ACSS1: variants seen among roughly 807,000 people sequenced by gnomAD.
ACSS1 encodes the protein acyl-CoA synthetase short chain family member 1.
In ACSS1, 42 loss-of-function variants were observed where a neutral mutation model predicts 75.3. The observed-to-expected ratio is 0.56, with a 90% CI of 0.44 to 0.72. The LOEUF is 0.72. Ranked by LOEUF, ACSS1 falls within the 30% of genes least tolerant of loss-of-function variation. The pLI is 0.00. For missense variants in ACSS1, 782 were observed against 935.7 expected (o/e 0.84, Z 2.14); for synonymous variants, 380 against 376.8 (o/e 1.01, Z -0.10).
chr20:25,026,560 C>T (rs1361671692), intron 3 of ACSS1, among the ~76,000 whole-genome samples: 2 of 152,208 alleles, frequency 1.3e-5, no homozygotes, highest in African/African-American at 2.4e-5. Flanking sequence ...TGACTAATGT[C>T]CCAGATGTCA....
intron 2 of ACSS1, among the ~76,000 whole-genome samples, chr20:25,040,646 C>T (rs899244355): frequency 6.6e-6 from 1 of 152,198 alleles, no homozygotes. Flanking sequence ...ATATTTCCAC[C>T]GCTGATTCTC....
chr20:25,013,324 C>G (rs1421953780), intron 10 of ACSS1, among the ~76,000 whole-genome samples: 6 of 152,156 alleles, frequency 3.9e-5, no homozygotes, highest in Non-Finnish European at 8.8e-5. Context: ...AAGAAAGTCC[C>G]CGAGTGGGGA....
chr20:25,036,965 AG>A (rs1418096871), intron 2 of ACSS1, among the ~76,000 whole-genome samples: 8 of 123,722 alleles, frequency 6.5e-5, no homozygotes, highest in African/African-American at 2.1e-4. Flanking sequence ...AAAAAAAAAA[AG>A]AAGAAGAAGA....
At position 25,016,251 on chromosome 20, in the gene ACSS1, G is replaced by T. The variant is rs193189308; in HGVS notation, c.1247-1021C>A. Among the ~76,000 whole-genome samples the T allele has an allele frequency of 4.9e-4, 74 of 152,286 alleles. No individual in the cohort carries two copies. In the Middle Eastern group the frequency reaches 0.017, roughly 35 times the overall value. On this transcript the variant is annotated intron_variant, in intron 7 of 13. Coordinates refer to ENST00000323482, the MANE Select transcript of ACSS1 (RefSeq NM_032501.4). ...CCGTGGTGATGCAGGCCACACTGTG[G>T]TCATGGTTCGGGTAACTCTCGTAAC... is the stretch of plus-strand genomic sequence containing the variant.
intron 1 of ACSS1, among the ~76,000 whole-genome samples, chr20:25,057,284 G>C (rs1004089243): frequency 3.9e-5 from 6 of 152,230 alleles, no homozygotes; most frequent in Non-Finnish European, 7.3e-5. Context: ...GTTTACGTGG[G>C]CAGGGCTTGT....
rs767019781 is a variant in ACSS1, at chr20:25,013,533, C to T, written c.1579+3G>A. 1.9e-6 allele frequency: 3 copies of T among 1,588,892 alleles called. No homozygotes were observed. Among genetic ancestry groups the T allele is most frequent in the African/African-American group, 2.7e-5 (2 of 74,396 alleles). ...ATGAGAGGGTCCCTGACAGCCTGCTCACCTGGGTAGGCCTTGAAGTAGGCG... is the reference window on the plus strand; with the variant it reads ...ATGAGAGGGTCCCTGACAGCCTGCTTACCTGGGTAGGCCTTGAAGTAGGCG... On this transcript the variant is annotated splice_donor_region_variant and intron_variant, in intron 10 of 13. Transcript: ENST00000323482.
chr20:25,017,218 C>T (rs955454651), intron 7 of ACSS1, among the ~76,000 whole-genome samples: 2 of 152,172 alleles, frequency 1.3e-5, no homozygotes, highest in Admixed American at 6.5e-5. Flanking sequence ...AGAGTGTATC[C>T]ATGTATTACT....
At chr20:25,045,801 A>G (rs1460339079) in intron 2 of ACSS1, 4 of 152,282 alleles carry the variant, frequency 2.6e-5, no homozygotes, top group Non-Finnish European at 5.9e-5. Flanking sequence ...AGGAACTCAC[A>G]TCCCTCAAAT....
chr20:25,006,667 G>A lies in ACSS1; in HGVS notation c.*1095C>T. ...CCAACCGCCAGCCCCTGCATGCCTA[G>A]CAGGGAGGTAAGCACCCACTGGCGT... On this transcript the variant is annotated 3_prime_UTR_variant, in exon 14 of 14. Transcript: ENST00000323482. The A allele has an allele frequency of 3.8e-6, 3 of 799,822 alleles. No individual in the cohort carries two copies. In the South Asian group the frequency reaches 5.9e-5, roughly 16 times the overall value. The allele number at this position is 799,822 out of a possible 1,614,324, so 49.5% of individuals were successfully genotyped here.
In ACSS1 at chr20:25,058,007, G is replaced by C; in HGVS notation, c.96C>G (p.Ser32Arg). 1 of 1,462,796 alleles carries C rather than the reference G, an allele frequency of 6.8e-7. No individual in the cohort carries two copies. The highest frequency in any genetic ancestry group is 1.5e-5 in the African/African-American group (1 of 67,872). The allele number at this position is 1,462,796 out of a possible 1,614,324, so 90.6% of individuals were successfully genotyped here. ...GTCCCGAGGCCGCCCTGCGCGGCGC[G>C]CTCACCCCGCACGGCGGCCGCGCGG... The part of the protein sequence containing the change: ...GQPARPPCGV[S>R]APRRAASGPS... The change falls in exon 1 of 14, where the codon AGC becomes AGG. Residue 32 changes from serine to arginine, a missense_variant. By Grantham distance (110) the Ser-to-Arg change is moderately radical. Transcript: ENST00000323482.
At chr20:25,027,171 C>G (rs564354088) in intron 3 of ACSS1, among the ~76,000 whole-genome samples, 1 of 152,312 alleles carries the variant, frequency 6.6e-6, no homozygotes, top group South Asian at 2.1e-4. Context: ...TCTTCCCTTT[C>G]TAAAGACCAG....
rs539047755 is a variant in ACSS1, at chr20:25,032,978, T to C, written c.432-2020A>G. On this transcript the variant is annotated intron_variant, in intron 2 of 13. Coordinates refer to ENST00000323482, the MANE Select transcript of ACSS1 (RefSeq NM_032501.4). Reference sequence around the variant, plus strand: ...GAAGGAGGACAAAGGCGCCTTTCAGTGGCGCCCCACCCACGCACCCCTTGC... The same window carrying C: ...GAAGGAGGACAAAGGCGCCTTTCAGCGGCGCCCCACCCACGCACCCCTTGC... 1.2e-4 allele frequency among the ~76,000 whole-genome samples: 19 copies of C among 152,318 alleles called. 1 individual carries two copies. The highest frequency in any genetic ancestry group is 4.1e-4 in the South Asian group (2 of 4,820).
At chr20:25,057,320 A>C (rs2122783874) in intron 1 of ACSS1, among the ~76,000 whole-genome samples, 1 of 152,312 alleles carries the variant, frequency 6.6e-6, no homozygotes, top group East Asian at 1.9e-4. Context: ...CGGGCACCGC[A>C]GCCCGCAGTG....
intron 2 of ACSS1, chr20:25,046,404 A>G: frequency 4.8e-6 from 1 of 207,682 alleles, no homozygotes. Flanking sequence ...CCCCGCTCAC[A>G]GACCGAACCG....
intron 2 of ACSS1, among the ~76,000 whole-genome samples, chr20:25,037,821 A>G (rs1185698736): frequency 6.6e-6 from 1 of 151,748 alleles, no homozygotes; most frequent in Non-Finnish European, 1.5e-5. Flanking sequence ...TGGGGAACAG[A>G]CTCCTTCCCT....
At chr20:25,044,889 T>C (rs980041481) in intron 2 of ACSS1, among the ~76,000 whole-genome samples, 4 of 152,238 alleles carry the variant, frequency 2.6e-5, no homozygotes, top group Admixed American at 6.5e-5. Flanking sequence ...GGGAGATGGG[T>C]GCACACGTCC....
At position 25,032,350 on chromosome 20, in the gene ACSS1, G is replaced by C; in HGVS notation, c.432-1392C>G. 2.2e-6 allele frequency: 3 copies of C among 1,340,682 alleles called. No homozygotes were observed. The African/African-American group carries it at 4.4e-5, about 20-fold the overall frequency. The allele number at this position is 1,340,682 out of a possible 1,614,324, so 83.0% of individuals were successfully genotyped here. On this transcript the variant is annotated intron_variant, in intron 2 of 13. Transcript: ENST00000323482. ...TCAACTCCGGGAAAACTGGGAGCAG[G>C]CGAGAGCCGCCAACTTGCCGGCCAT...
At chr20:25,031,033 T>C (rs936948156) in intron 2 of ACSS1, 75 bp from the exon 3 acceptor site, 8 of 1,460,842 alleles carry the variant, frequency 5.5e-6, no homozygotes, top group Middle Eastern at 3.4e-4. Flanking sequence ...GGTGGAGCAA[T>C]ACTGCAAATT....
chr20:25,033,485 C>G (rs1197142672), intron 2 of ACSS1, among the ~76,000 whole-genome samples: 2 of 152,216 alleles, frequency 1.3e-5, no homozygotes, highest in Non-Finnish European at 2.9e-5. Flanking sequence ...GGAACTCTGC[C>G]AAACATTCAG....
Sources: gnomAD v4.1 joint callset for allele counts (sites outside exome capture counted in the v4.1 genomes callset) on GRCh38, gnomAD v4.1.1 for gene constraint, MANE v1.5 for transcripts, NCBI Gene and HGNC (gene_info 2026-07-23, HGNC 2026-07-21) for gene names.